The following MDH1B variants were observed in gnomAD, a reference collection of about 807,000 sequenced individuals.
MDH1B encodes the protein malate dehydrogenase 1B.
A neutral mutation model predicts 61.4 loss-of-function variants in MDH1B; 60 were observed. The observed-to-expected ratio is 0.98, with a 90% CI of 0.79 to 1.21. MDH1B has a LOEUF of 1.21. MDH1B is among the 50% of genes most tolerant of loss of function. The pLI, the probability that MDH1B is intolerant of heterozygous loss-of-function variation, is 0.00. For missense variants in MDH1B, 587 were observed against 632.1 expected (o/e 0.93, Z 0.76); for synonymous variants, 236 against 218.7 (o/e 1.08, Z -0.70).
At chr2:206,739,730 T>G in intron 10 of MDH1B, 69 bp from the exon 11 acceptor site, 1 of 1,389,028 alleles carries the variant, frequency 7.2e-7, no homozygotes, top group South Asian at 1.2e-5. Flanking sequence ...TATTTCCATT[T>G]TCTTCTATCT....
rs569106031 is a variant in MDH1B at position 206,760,997 on chromosome 2, T to C, written c.39A>G (p.Pro13=). The C allele has an allele frequency of 5.6e-6, 9 of 1,600,920 alleles. No homozygotes were observed. Among genetic ancestry groups the C allele is most frequent in the South Asian group, 1.1e-5 (1 of 90,508 alleles). The part of the protein sequence containing the change: ...KFVIAGRADC[P]YYAKTELVAD... ...CCACAAGTTCTGTTTTAGCATAATA[T>C]GGACAATCTGCTCTACCTAAAAGAG... The change falls in exon 2 of 12, where the codon CCA becomes CCG. Residue 13 remains proline (P), a synonymous_variant. Coordinates refer to ENST00000374412, the MANE Select transcript of MDH1B (RefSeq NM_001039845.3).
At position 206,751,130 on chromosome 2, in the gene MDH1B, A is replaced by C. The variant is rs1009081248; in HGVS notation, c.911-55T>G. 6.0e-6 allele frequency: 8 copies of C among 1,330,070 alleles called. No individual in the cohort carries two copies. The African/African-American group carries it at 9.0e-5, about 15-fold the overall frequency. The allele number at this position is 1,330,070 out of a possible 1,614,324, so 82.4% of individuals were successfully genotyped here. ...ATAATAATGTATGTTAATATAAAAA[A>C]TTGCCTGAAGCCTATTTTTTGTTTG... On this transcript the variant is annotated intron_variant, in intron 5 of 11. Transcript: ENST00000374412.
At chr2:206,762,211 TCTC>T (rs1184295414) in intron 1 of MDH1B, among the ~76,000 whole-genome samples, 1 of 152,072 alleles carries the variant, frequency 6.6e-6, no homozygotes, top group African/African-American at 2.4e-5. Context: ...ATCTTTTCCT[TCTC>T]CCCAACATTC....
At position 206,755,202 on chromosome 2, in the gene MDH1B, A is replaced by G; in HGVS notation, c.717T>C (p.Tyr239=). 2 of 1,614,202 alleles carry G rather than the reference A, an allele frequency of 1.2e-6. No individual in the cohort carries two copies. Among genetic ancestry groups the G allele is most frequent in the Non-Finnish European group, 1.7e-6 (2 of 1,180,024 alleles). ...GAGCATTTTTCTCTATCAGGTACCC[A>G]TAGAGCCTGCAGAGAGGCACCCTGC... The part of the protein sequence containing the change: ...LRSRVPLCRL[Y]GYLIEKNAHE... Residue 239 remains tyrosine (Y), a synonymous_variant, in exon 5 of 12, where the codon TAT becomes TAC. Transcript: ENST00000374412.
At position 206,760,088 on chromosome 2, in the gene MDH1B, G is replaced by GGAGC. The variant is rs1477810376; in HGVS notation, c.135+809_135+812dup. ...CCAAGATGGTGTGAACTGATTATAG[G>GGAGC]GAGCATGTGGATCCAAAAGGCACAA... On this transcript the variant is annotated intron_variant, in intron 2 of 11. Coordinates refer to ENST00000374412, the MANE Select transcript of MDH1B (RefSeq NM_001039845.3). Among the ~76,000 whole-genome samples the GGAGC allele has an allele frequency of 2.6e-5, 4 of 152,276 alleles. No individual in the cohort carries two copies. The East Asian group carries it at 7.7e-4, about 29-fold the overall frequency.
At chr2:206,746,474 C>A in intron 7 of MDH1B, 48 bp from the exon 8 acceptor site, 1 of 1,557,598 alleles carries the variant, frequency 6.4e-7, no homozygotes, top group Non-Finnish European at 8.6e-7. Flanking sequence ...AACTTAGAAA[C>A]ATGCACCTTT....
At chr2:206,739,490 G>A (rs1687685816) in intron 11 of MDH1B, 103 bp downstream of exon 11, 2 of 1,016,314 alleles carry the variant, frequency 2.0e-6, no homozygotes, top group Admixed American at 2.1e-5. Flanking sequence ...GGGAAGTGGG[G>A]AGGGTTTGAC....
intron 7 of MDH1B, among the ~76,000 whole-genome samples, chr2:206,748,272 G>A (rs1414664247): frequency 9.9e-5 from 15 of 152,128 alleles, no homozygotes; most frequent in Admixed American, 8.5e-4. Flanking sequence ...CCAGCTACTC[G>A]GGAGGCTGGG....
intron 11 of MDH1B, 80 bp downstream of exon 11, chr2:206,739,513 G>T: frequency 7.8e-7 from 1 of 1,286,522 alleles, no homozygotes; most frequent in Non-Finnish European, 1.1e-6. Context: ...GAATAGTATT[G>T]CAAGGAAATT....
chr2:206,755,629 C>T, intron 4 of MDH1B, 124 bp from the exon 5 acceptor site: 2 of 1,187,434 alleles, frequency 1.7e-6, no homozygotes, highest in East Asian at 2.6e-5. Flanking sequence ...TAAGCACACA[C>T]ATAGCTGCCC....
At chr2:206,760,782 T>C (rs1689044917) in intron 2 of MDH1B, 119 bp downstream of exon 2, 1 of 589,262 alleles carries the variant, frequency 1.7e-6, no homozygotes, top group Non-Finnish European at 3.1e-6. Context: ...AGTATTCAAA[T>C]ATCACTAGCA....
rs1688694265 is a variant in MDH1B, at chr2:206,755,309, C to A, written c.610G>T (p.Ala204Ser). The A allele has an allele frequency of 6.2e-7, 1 of 1,614,048 alleles. No individual in the cohort carries two copies. Among genetic ancestry groups the A allele is most frequent in the South Asian group, 1.1e-5 (1 of 91,082 alleles). ...SVSICTKVEE[A>S]FRQAHVIVVL... is the part of the protein sequence containing the mutation. ...ACAATGACGTGGGCCTGGCGGAAGG[C>A]CTCCTCCACCTTCGTGCAGATGGAG... The change falls in exon 5 of 12, where the codon GCC (alanine) becomes TCC (serine). Residue 204 changes from alanine (A) to serine (S), a missense_variant. Coordinates refer to ENST00000374412, the MANE Select transcript of MDH1B (RefSeq NM_001039845.3).
At chr2:206,753,896 C>G (rs1453798723) in intron 5 of MDH1B, among the ~76,000 whole-genome samples, 5 of 139,690 alleles carry the variant, frequency 3.6e-5, no homozygotes, top group Non-Finnish European at 7.7e-5. Flanking sequence ...CCCACACATA[C>G]ACCTTGTTTT....
intron 2 of MDH1B, 145 bp downstream of exon 2, chr2:206,760,756 A>G (rs1343638414): frequency 5.6e-6 from 3 of 535,506 alleles, no homozygotes; most frequent in African/African-American, 1.9e-5. Context: ...ACTGGTAAGT[A>G]GGGACTTGTT....
intron 5 of MDH1B, among the ~76,000 whole-genome samples, chr2:206,751,971 T>C (rs966695347): frequency 4.6e-5 from 7 of 152,228 alleles, no homozygotes; most frequent in African/African-American, 9.6e-5. Flanking sequence ...TGCTTTTGTC[T>C]TCAACTAACA....
At chr2:206,760,326 G>A (rs1430999583) in intron 2 of MDH1B, among the ~76,000 whole-genome samples, 1 of 152,214 alleles carries the variant, frequency 6.6e-6, no homozygotes, top group Non-Finnish European at 1.5e-5. Flanking sequence ...GCTGGTTGAG[G>A]AGGGAGCACA....
intron 11 of MDH1B, 133 bp downstream of exon 11, chr2:206,739,460 G>T: frequency 1.3e-6 from 1 of 786,736 alleles, no homozygotes; most frequent in Non-Finnish European, 2.1e-6. Flanking sequence ...AGCAACCAAG[G>T]CTGGGTCCCT....
chr2:206,746,019 C>T (rs1450929239), intron 8 of MDH1B, among the ~76,000 whole-genome samples: 1 of 152,112 alleles, frequency 6.6e-6, no homozygotes, highest in Non-Finnish European at 1.5e-5. Flanking sequence ...TGAGCCACTG[C>T]ACCCGGCAAC....
Position 206,746,284 on chromosome 2 carries a change from T to G in MDH1B, c.1356+3A>C. 1 of 1,612,236 alleles carries G rather than the reference T, an allele frequency of 6.2e-7. No homozygotes were observed. Among genetic ancestry groups the G allele is most frequent in the Non-Finnish European group, 8.5e-7 (1 of 1,179,052 alleles). On this transcript the variant is annotated splice_donor_region_variant and intron_variant, in intron 8 of 11. Coordinates refer to ENST00000374412, the MANE Select transcript of MDH1B (RefSeq NM_001039845.3). ...AGTCCCCTTGCATCTATTCTGACATTACCTGAATTAGATCACTTGTCATTC... is the reference window on the plus strand; with the variant it reads ...AGTCCCCTTGCATCTATTCTGACATGACCTGAATTAGATCACTTGTCATTC...
Sources: allele counts gnomAD v4.1 joint callset (sites outside exome capture counted in the v4.1 genomes callset), GRCh38; gene constraint gnomAD v4.1.1; transcripts MANE v1.5; gene names NCBI Gene and HGNC (gene_info 2026-07-23, HGNC 2026-07-21).